Variants in UNC5D observed in about 807,000 individuals in gnomAD.
UNC5D encodes the protein netrin receptor UNC5D.
Under a neutral mutation model 105.4 loss-of-function variants are expected in UNC5D, and 39 were observed. The ratio of observed to expected loss-of-function variants is 0.37; its 90% confidence interval spans 0.29 to 0.48. UNC5D has a LOEUF of 0.48. Among genes scored for constraint, UNC5D ranks in the 20% least tolerant of loss-of-function variants. UNC5D has a pLI of 0.98. For synonymous variants in UNC5D, 452 were observed against 450.4 expected, an observed-to-expected ratio of 1.00 and a Z score of -0.04; for missense variants, 991 against 1,202.4, an observed-to-expected ratio of 0.82 and a Z score of 2.60.
chr8:35,378,626 G>A (rs961197356), intron 1 of UNC5D, among the ~76,000 whole-genome samples: 3 of 152,184 alleles, frequency 2.0e-5, no homozygotes, highest in African/African-American at 4.8e-5. Context: ...CTTGGAATCT[G>A]TTTCTCTTCC....
chr8:35,530,406 A>G (rs1291019307), intron 1 of UNC5D, among the ~76,000 whole-genome samples: 71 of 75,098 alleles, frequency 9.5e-4, no homozygotes, highest in Non-Finnish European at 1.0e-3. Flanking sequence ...CCACTTGATC[A>G]TGGTGGATAA....
At chr8:35,659,607 C>T (rs539886377) in intron 4 of UNC5D, among the ~76,000 whole-genome samples, 4 of 152,192 alleles carry the variant, frequency 2.6e-5, no homozygotes, top group East Asian at 1.9e-4. Flanking sequence ...AGCACACATA[C>T]GTATGTGCGC....
intron 1 of UNC5D, among the ~76,000 whole-genome samples, chr8:35,419,940 G>A (rs193123469): frequency 8.3e-4 from 127 of 152,264 alleles, no homozygotes; most frequent in African/African-American, 2.9e-3. Flanking sequence ...TGTGGGGTGG[G>A]GAGAAAGCAG....
chr8:35,283,801 TA>T (rs5890804), intron 1 of UNC5D, among the ~76,000 whole-genome samples: 292 of 146,638 alleles, frequency 2.0e-3, no homozygotes, highest in African/African-American at 6.2e-3. Context: ...AGACTCCGAA[TA>T]AAAAAAAAAA....
chr8:35,286,378 C>T (rs1430115054), intron 1 of UNC5D, among the ~76,000 whole-genome samples: 1 of 152,192 alleles, frequency 6.6e-6, no homozygotes, highest in Non-Finnish European at 1.5e-5. Context: ...CTGTAGGAAA[C>T]ACCGCCCACA....
rs150561818 is a variant in UNC5D, at chr8:35,788,700, G to GCACACACA, written c.2658-1645_2658-1638dup. ...TTGGGAAGGCAGAAAACACACACAC[G>GCACACACA]CACACACACACACACACACACGAAA... On this transcript the variant is annotated intron_variant, in intron 16 of 16. Coordinates refer to ENST00000404895, the MANE Select transcript of UNC5D (RefSeq NM_080872.4). Among the ~76,000 whole-genome samples the GCACACACA allele has an allele frequency of 2.9e-4, 42 of 146,720 alleles. No individual in the cohort carries two copies. The East Asian group carries it at 5.4e-3, about 19-fold the overall frequency.
chr8:35,402,669 C>T (rs1416767586), intron 1 of UNC5D, among the ~76,000 whole-genome samples: 1 of 152,130 alleles, frequency 6.6e-6, no homozygotes, highest in East Asian at 1.9e-4. Flanking sequence ...ATAATGGCTT[C>T]TCATCCTGGC....
At chr8:35,683,309 A>T (rs1374092453) in intron 4 of UNC5D, among the ~76,000 whole-genome samples, 2 of 152,166 alleles carry the variant, frequency 1.3e-5, no homozygotes, top group African/African-American at 4.8e-5. Flanking sequence ...GTCAAAGTCA[A>T]TGTAGGATAT....
Position 35,342,724 on chromosome 8 carries a change from C to T in UNC5D, c.103+106837C>T, listed in dbSNP as rs1011970472. On this transcript the variant is annotated intron_variant, in intron 1 of 16. Transcript: ENST00000404895. ...TATCCTGCTCACAGATTCCTGGGTA[C>T]AGACCTACTACCTTACTAGCTCAGG... Among the ~76,000 whole-genome samples the T allele has an allele frequency of 2.0e-5, 3 of 152,098 alleles. 1 individual carries two copies. The highest frequency in any genetic ancestry group is 2.0e-4 in the Admixed American group (3 of 15,268).
At chr8:35,597,426 A>C (rs1034891269) in intron 4 of UNC5D, among the ~76,000 whole-genome samples, 1 of 152,146 alleles carries the variant, frequency 6.6e-6, no homozygotes, top group African/African-American at 2.4e-5. Flanking sequence ...CTCATTTAGG[A>C]CATCGCATGT....
intron 14 of UNC5D, among the ~76,000 whole-genome samples, chr8:35,761,917 G>A (rs1279508614): frequency 6.6e-6 from 1 of 152,158 alleles, no homozygotes; most frequent in Non-Finnish European, 1.5e-5. Flanking sequence ...AACTTGGCAT[G>A]GAGAATGGAT....
chr8:35,403,071 A>G (rs1016265657), intron 1 of UNC5D, among the ~76,000 whole-genome samples: 2 of 152,188 alleles, frequency 1.3e-5, no homozygotes, highest in South Asian at 2.1e-4. Context: ...GCTAACATTT[A>G]CTAGCTTTTG....
chr8:35,297,548 C>T (rs1473567154), intron 1 of UNC5D, among the ~76,000 whole-genome samples: 4 of 152,074 alleles, frequency 2.6e-5, no homozygotes. Context: ...AGCTAAGGAG[C>T]CAAAGGAACC....
chr8:35,245,775 G>A (rs927718086), intron 1 of UNC5D, among the ~76,000 whole-genome samples: 56 of 152,152 alleles, frequency 3.7e-4, no homozygotes, highest in African/African-American at 1.3e-3. Flanking sequence ...TAATTGTCAA[G>A]GTGATAAGGA....
chr8:35,654,717 T>C (rs1586347407), intron 4 of UNC5D, among the ~76,000 whole-genome samples: 1 of 152,198 alleles, frequency 6.6e-6, no homozygotes, highest in Admixed American at 6.5e-5. Flanking sequence ...TATCATGTTT[T>C]CAGAACCAAA....
chr8:35,589,508 G>A (rs1586195305), intron 3 of UNC5D, among the ~76,000 whole-genome samples: 1 of 150,590 alleles, frequency 6.6e-6, no homozygotes, highest in African/African-American at 2.4e-5. Context: ...CACATACCAT[G>A]CAGTTTACCT....
At chr8:35,762,065 C>T (rs1394043247) in intron 14 of UNC5D, among the ~76,000 whole-genome samples, 1 of 152,092 alleles carries the variant, frequency 6.6e-6, no homozygotes, top group African/African-American at 2.4e-5. Context: ...GGTGAATCTC[C>T]CTTTCTCTAA....
chr8:35,660,053 A>T (rs1323128531), intron 4 of UNC5D, among the ~76,000 whole-genome samples: 2 of 152,178 alleles, frequency 1.3e-5, no homozygotes, highest in African/African-American at 2.4e-5. Flanking sequence ...TTTTGCCTGA[A>T]ATTTCACTAT....
At chr8:35,773,331 A>C (rs919904627) in intron 15 of UNC5D, among the ~76,000 whole-genome samples, 1 of 152,214 alleles carries the variant, frequency 6.6e-6, no homozygotes, top group Non-Finnish European at 1.5e-5. Context: ...AGCCTTCCTG[A>C]TTATACCACT....
Sources: allele counts gnomAD v4.1 joint callset (sites outside exome capture counted in the v4.1 genomes callset), GRCh38; gene constraint gnomAD v4.1.1; transcripts MANE v1.5; gene names NCBI Gene and HGNC (gene_info 2026-07-23, HGNC 2026-07-21).